The following ARL6IP5 variants were observed in gnomAD, a reference collection of about 807,000 sequenced individuals.
The protein encoded by ARL6IP5 is ARF like GTPase 6 interacting protein 5, also known as PRA1 family protein 3.
Under a neutral mutation model 13.0 loss-of-function variants are expected in ARL6IP5, and 6 were observed. The observed-to-expected ratio is 0.46, with a 90% CI of 0.25 to 0.91. The LOEUF (loss-of-function observed/expected upper bound fraction) is 0.91, where lower values mean the gene tolerates loss of function less well. Among genes scored for constraint, ARL6IP5 ranks in the 40% least tolerant of loss-of-function variants. The pLI is 0.17. For synonymous variants in ARL6IP5, 91 were observed against 91.9 expected (o/e 0.99, Z 0.06); for missense variants, 208 against 248.8 (o/e 0.84, Z 1.10).
chr3:69,089,521 C>T (rs1161267852), intron 1 of ARL6IP5, among the ~76,000 whole-genome samples: 3 of 151,632 alleles, frequency 2.0e-5, no homozygotes, highest in Admixed American at 2.0e-4. Context: ...AAGTTCTTTC[C>T]TGGATGGGTA....
rs1442907633 is a variant in ARL6IP5, at chr3:69,104,904, C to A, written c.*268C>A. On this transcript the variant is annotated 3_prime_UTR_variant, in exon 3 of 3. Transcript: ENST00000273258. The stretch of plus-strand genomic sequence containing the variant: ...TAATGGGAAATGGATCACACGATTT[C>A]TTTAAGGGAATTAAAAAAAATAAAA... 7 of 699,898 alleles carry A rather than the reference C, an allele frequency of 1.0e-5. No individual in the cohort carries two copies. Among genetic ancestry groups the A allele is most frequent in the Middle Eastern group, 2.3e-4 (1 of 4,380 alleles). 43.4% of individuals were successfully genotyped at this position (699,898 alleles called of 1,614,324 possible). A position where few individuals can be genotyped will look rare whatever the true frequency, so the allele number is the denominator to read the frequency against.
chr3:69,086,202 C>T (rs1337836796), intron 1 of ARL6IP5, among the ~76,000 whole-genome samples: 1 of 152,172 alleles, frequency 6.6e-6, no homozygotes, highest in Non-Finnish European at 1.5e-5. Flanking sequence ...GAAATTTGCA[C>T]TTGAAGGGTG....
At chr3:69,095,214 C>G (rs2092283285) in intron 1 of ARL6IP5, among the ~76,000 whole-genome samples, 1 of 152,100 alleles carries the variant, frequency 6.6e-6, no homozygotes, top group Non-Finnish European at 1.5e-5. Flanking sequence ...TATAATTGGA[C>G]TAGACTGATT....
intron 1 of ARL6IP5, among the ~76,000 whole-genome samples, chr3:69,088,154 T>C (rs2092253744): frequency 6.6e-6 from 1 of 152,188 alleles, no homozygotes. Flanking sequence ...TCTGTCTTAC[T>C]ATGAGTCACA....
rs551405952 is a variant in ARL6IP5 at position 69,100,172 on chromosome 3, C to T, written c.177-1667C>T. 3 of 152,312 alleles carry T rather than the reference C, an allele frequency of 2.0e-5. 1 individual carries two copies. The highest frequency in any genetic ancestry group is 2.1e-4 in the South Asian group (1 of 4,824). The allele number at this position is 152,312 out of a possible 1,614,324, so 9.4% of individuals were successfully genotyped here. The stretch of plus-strand genomic sequence containing the variant: ...GAACTCTTGACCTCAGGTGATCCAC[C>T]CACCTAGGCCTCCCAAAGTGCTAGG... On this transcript the variant is annotated intron_variant, in intron 1 of 2. Transcript: ENST00000273258.
At chr3:69,096,981 T>TC (rs56046193) in intron 1 of ARL6IP5, among the ~76,000 whole-genome samples, 1 of 152,162 alleles carries the variant, frequency 6.6e-6, no homozygotes, top group Non-Finnish European at 1.5e-5. Context: ...AAGGGTTTTT[T>TC]ACATTCAGGA....
Position 69,104,970 on chromosome 3 carries a change from GA to G in ARL6IP5, c.*344del, listed in dbSNP as rs373944686. 0.017 allele frequency: 10,170 copies of G among 609,758 alleles called. 276 individuals carry two copies. The highest frequency in any genetic ancestry group is 0.094 in the African/African-American group (4,942 of 52,684). The allele number at this position is 609,758 out of a possible 1,614,324, so 37.8% of individuals were successfully genotyped here. ...CAGCAACAATACGATTATCTTATAG[GA>G]AAAAAAAAATCATTGTAAAGTATCA... On this transcript the variant is annotated 3_prime_UTR_variant, in exon 3 of 3. Transcript: ENST00000273258.
Position 69,105,453 on chromosome 3 carries a change from T to G in ARL6IP5, c.*817T>G. On this transcript the variant is annotated 3_prime_UTR_variant, in exon 3 of 3. Transcript: ENST00000273258. The stretch of plus-strand genomic sequence containing the variant: ...GTGAAAAAAATGGTCCAAGAAAATG[T>G]TTGCCATTTTTGCATTGTTTCGTTT... The G allele has an allele frequency of 6.6e-6, 1 of 152,232 alleles. No individual in the cohort carries two copies. Among genetic ancestry groups the G allele is most frequent in the East Asian group, 1.9e-4 (1 of 5,198 alleles). The allele number at this position is 152,232 out of a possible 1,614,324, so 9.4% of individuals were successfully genotyped here.
In ARL6IP5 at chr3:69,102,061, G is replaced by C; in HGVS notation, c.394+5G>C. 6.2e-7 allele frequency: 1 copy of C among 1,612,120 alleles called. No individual in the cohort carries two copies. Among genetic ancestry groups the C allele is most frequent in the African/African-American group, 1.3e-5 (1 of 74,974 alleles). On this transcript the variant is annotated splice_donor_5th_base_variant and intron_variant, in intron 2 of 2. Transcript: ENST00000273258. ...GCATTACTTTTCCTTTGCTGTGTAA[G>C]TGAACTTGAGTTTTTTCTTCCATCA... is the stretch of plus-strand genomic sequence containing the variant.
chr3:69,096,796 G>C (rs1285757313), intron 1 of ARL6IP5, among the ~76,000 whole-genome samples: 1 of 151,906 alleles, frequency 6.6e-6, no homozygotes, highest in Non-Finnish European at 1.5e-5. Flanking sequence ...TAGAGACGGG[G>C]TTTCACCATG....
intron 1 of ARL6IP5, among the ~76,000 whole-genome samples, chr3:69,097,205 G>T (rs1292944597): frequency 6.6e-6 from 1 of 152,030 alleles, no homozygotes; most frequent in Non-Finnish European, 1.5e-5. Flanking sequence ...CTGTTACCCA[G>T]GCTAGAGTAT....
rs2092317899 is a variant in ARL6IP5, at chr3:69,104,877, T to A, written c.*241T>A. 1 of 703,494 alleles carries A rather than the reference T, an allele frequency of 1.4e-6. No individual in the cohort carries two copies. Among genetic ancestry groups the A allele is most frequent in the Non-Finnish European group, 2.6e-6 (1 of 385,916 alleles). 43.6% of individuals were successfully genotyped at this position (703,494 alleles called of 1,614,324 possible). Reference sequence around the variant, plus strand: ...TGAAGTTTCACGTGTGTTTATGAAATCTAATGGGAAATGGATCACACGATT... The same window carrying A: ...TGAAGTTTCACGTGTGTTTATGAAAACTAATGGGAAATGGATCACACGATT... On this transcript the variant is annotated 3_prime_UTR_variant, in exon 3 of 3. Coordinates refer to ENST00000273258, the MANE Select transcript of ARL6IP5 (RefSeq NM_006407.4).
At position 69,104,401 on chromosome 3, in the gene ARL6IP5, T is replaced by G. The variant is rs1354264835; in HGVS notation, c.395-63T>G. On this transcript the variant is annotated intron_variant, in intron 2 of 2. Coordinates refer to ENST00000273258, the MANE Select transcript of ARL6IP5 (RefSeq NM_006407.4). Reference sequence around the variant, plus strand: ...ACTAATAGTGTGAAGAGAGGGAGTGTAATATTGATATGGCAAAAGAGAATT... The same window carrying G: ...ACTAATAGTGTGAAGAGAGGGAGTGGAATATTGATATGGCAAAAGAGAATT... The G allele has an allele frequency of 2.2e-5, 33 of 1,498,262 alleles. 1 individual carries two copies. The allele number at this position is 1,498,262 out of a possible 1,614,324, so 92.8% of individuals were successfully genotyped here.
intron 1 of ARL6IP5, among the ~76,000 whole-genome samples, chr3:69,099,556 A>G (rs967833660): frequency 1.3e-5 from 2 of 152,204 alleles, no homozygotes; most frequent in African/African-American, 4.8e-5. Flanking sequence ...TTTATGTTTC[A>G]GTAGGCAGAA....
intron 1 of ARL6IP5, among the ~76,000 whole-genome samples, chr3:69,094,554 C>T (rs1160412592): frequency 6.6e-6 from 1 of 151,840 alleles, no homozygotes; most frequent in Non-Finnish European, 1.5e-5. Context: ...TATATTGTTC[C>T]CCACTTTTTC....
chr3:69,085,293 C>T, intron 1 of ARL6IP5, 70 bp downstream of exon 1: 2 of 1,532,178 alleles, frequency 1.3e-6, no homozygotes, highest in South Asian at 1.2e-5. Flanking sequence ...GTGCAAGATC[C>T]CGGGATGTAG....
At chr3:69,102,178 A>G in intron 2 of ARL6IP5, 122 bp downstream of exon 2, 1 of 1,064,676 alleles carries the variant, frequency 9.4e-7, no homozygotes, top group South Asian at 1.5e-5. Flanking sequence ...AGAATTTTCT[A>G]AAACAGCTTT....
At chr3:69,085,521 C>G (rs1559651566) in intron 1 of ARL6IP5, among the ~76,000 whole-genome samples, 1 of 152,218 alleles carries the variant, frequency 6.6e-6, no homozygotes, top group Non-Finnish European at 1.5e-5. Context: ...TGCCCCCGCC[C>G]GCGTGCCAGG....
rs1179136810 is a variant in ARL6IP5 at position 69,100,365 on chromosome 3, G to C, written c.177-1474G>C. Among the ~76,000 whole-genome samples, 9 of 152,286 alleles carry C rather than the reference G, an allele frequency of 5.9e-5. No individual in the cohort carries two copies. The East Asian group carries it at 9.6e-4, about 16-fold the overall frequency. Reference sequence around the variant, plus strand: ...CTGCATTGGTAACTCATCTCCTAATGATACTTTGGGCATTTTAAAACACTT... The same window carrying C: ...CTGCATTGGTAACTCATCTCCTAATCATACTTTGGGCATTTTAAAACACTT... On this transcript the variant is annotated intron_variant, in intron 1 of 2. Coordinates refer to ENST00000273258, the MANE Select transcript of ARL6IP5 (RefSeq NM_006407.4).
Sources: allele counts gnomAD v4.1 joint callset (sites outside exome capture counted in the v4.1 genomes callset), GRCh38; gene constraint gnomAD v4.1.1; transcripts MANE v1.5; gene names NCBI Gene and HGNC (gene_info 2026-07-23, HGNC 2026-07-21).